PRKN: variants seen among roughly 807,000 people sequenced by gnomAD.
PRKN encodes the protein E3 ubiquitin-protein ligase parkin.
In PRKN, 56 loss-of-function variants were observed where a neutral mutation model predicts 59.5. The observed-to-expected ratio is 0.94, with a 90% CI of 0.76 to 1.18. PRKN has a LOEUF of 1.18. Ranked by LOEUF, PRKN falls within the 50% of genes most tolerant of loss-of-function variation. The pLI is 0.00. For synonymous variants in PRKN, 250 were observed against 222.1 expected (o/e 1.13, Z -1.12); for missense variants, 657 against 596.4 (o/e 1.10, Z -1.06).
At chr6:161,601,149 T>C (rs1260688637) in intron 7 of PRKN, among the ~76,000 whole-genome samples, 1 of 152,256 alleles carries the variant, frequency 6.6e-6, no homozygotes, top group Non-Finnish European at 1.5e-5. Context: ...ATTGAATATA[T>C]TTGTTTTTCT....
At position 162,612,030 on chromosome 6, in the gene PRKN, G is replaced by GA. The variant is rs370097730; in HGVS notation, c.7+115631dup. On this transcript the variant is annotated intron_variant, in intron 1 of 11. Coordinates refer to ENST00000366898, the MANE Select transcript of PRKN (RefSeq NM_004562.3). ...GAAACCCCGTCTCTACTAAAAATAC[G>GA]AAAAAAAAAAAAATTAGCTGGGCGT... is the stretch of plus-strand genomic sequence containing the variant. Among the ~76,000 whole-genome samples, 616 of 143,088 alleles carry GA rather than the reference G, an allele frequency of 4.3e-3. 4 individuals are homozygous for GA. The highest frequency in any genetic ancestry group is 0.011 in the Middle Eastern group (3 of 276). 93.9% of individuals were successfully genotyped at this position (143,088 alleles called of 152,430 possible).
rs951258750 is a variant in PRKN at position 161,462,875 on chromosome 6, T to C, written c.1084-75998A>G. 1.3e-5 allele frequency among the ~76,000 whole-genome samples: 2 copies of C among 152,198 alleles called. No individual in the cohort carries two copies. Among genetic ancestry groups the C allele is most frequent in the African/African-American group, 4.8e-5 (2 of 41,444 alleles). On this transcript the variant is annotated intron_variant, in intron 9 of 11. Coordinates refer to ENST00000366898, the MANE Select transcript of PRKN (RefSeq NM_004562.3). This position sits in a 1 kb window ranked among gnomAD's most constrained non-coding sequence, Gnocchi z 4.5. The stretch of plus-strand genomic sequence containing the variant: ...AATAGGTCTGAGGCCAATAATATTT[T>C]CTATTTCCTCAGGATTTCTTCACTC...
At chr6:161,555,847 CAATT>C (rs373297726) in intron 8 of PRKN, among the ~76,000 whole-genome samples, 334 of 152,192 alleles carry the variant, frequency 2.2e-3, no homozygotes, top group African/African-American at 2.7e-3. Flanking sequence ...CATTAAGTGA[CAATT>C]AATTAAATAA....
At chr6:161,668,034 C>G (rs1318024784) in intron 7 of PRKN, among the ~76,000 whole-genome samples, 1 of 152,096 alleles carries the variant, frequency 6.6e-6, no homozygotes, top group Non-Finnish European at 1.5e-5. Flanking sequence ...CATTGGAATT[C>G]TCTAGATCTT....
intron 3 of PRKN, among the ~76,000 whole-genome samples, chr6:162,235,042 GA>G (rs1283444313): frequency 1.4e-4 from 22 of 151,950 alleles, no homozygotes; most frequent in Admixed American, 2.6e-4. Flanking sequence ...ATAACTTTAT[GA>G]AAAAAATGGT....
chr6:161,514,412 G>C (rs551145428), intron 9 of PRKN, among the ~76,000 whole-genome samples: 1 of 152,146 alleles, frequency 6.6e-6, no homozygotes, highest in Non-Finnish European at 1.5e-5. Flanking sequence ...AGTTTTTTGG[G>C]GGTAAAGTTT....
At position 162,443,407 on chromosome 6, in the gene PRKN, T is replaced by G. The variant is rs1562768862; in HGVS notation, c.74A>C (p.Gln25Pro). Residue 25 changes from glutamine (Q) to proline (P), a missense_variant, in exon 2 of 12, where the codon CAG (glutamine) becomes CCG (proline). Transcript: ENST00000366898. ...VEVDSDTSIF[Q>P]LKEVVAKRQG... is the part of the protein sequence containing the mutation. ...TCGCTTAGCAACCACCTCCTTGAGC[T>G]GGAAGATGCTGGTGTCAGAATCGAC... 1 of 1,614,102 alleles carries G rather than the reference T, an allele frequency of 6.2e-7. No individual in the cohort carries two copies. Among genetic ancestry groups the G allele is most frequent in the East Asian group, 2.2e-5 (1 of 44,856 alleles).
chr6:161,711,240 T>C (rs1313944237), intron 7 of PRKN, among the ~76,000 whole-genome samples: 1 of 152,112 alleles, frequency 6.6e-6, no homozygotes, highest in African/African-American at 2.4e-5. Flanking sequence ...AGTTTTACTG[T>C]TAGAATGGAA....
intron 7 of PRKN, among the ~76,000 whole-genome samples, chr6:161,732,483 T>TGTGTGTGTGTGTGTG (rs1398832020): frequency 7.1e-6 from 1 of 140,166 alleles, no homozygotes; most frequent in African/African-American, 3.1e-5. Flanking sequence ...GGTTTTTTTT[T>TGTGTGTGTGTGTGTG]TTTGTGTGTG....
In PRKN at chr6:162,533,029, C is replaced by T. The variant is rs1039150311; in HGVS notation, c.8-89556G>A. Among the ~76,000 whole-genome samples, 3 of 152,178 alleles carry T rather than the reference C, an allele frequency of 2.0e-5. No homozygotes were observed. The East Asian group carries it at 5.8e-4, about 29-fold the overall frequency. ...TCTTCTGGCCCTAGGTGCTTATCGG[C>T]TGTACTGACGTGCTTCACATTTTAT... On this transcript the variant is annotated intron_variant, in intron 1 of 11. Transcript: ENST00000366898.
chr6:161,620,492 T>C (rs945473348), intron 7 of PRKN, among the ~76,000 whole-genome samples: 6 of 152,188 alleles, frequency 3.9e-5, no homozygotes, highest in Non-Finnish European at 8.8e-5. Context: ...TGATAGGAAT[T>C]ATGTCGGATG....
intron 5 of PRKN, among the ~76,000 whole-genome samples, chr6:161,980,353 C>G (rs972152766): frequency 6.6e-6 from 1 of 152,174 alleles, no homozygotes; most frequent in Non-Finnish European, 1.5e-5. Flanking sequence ...CACACACTTT[C>G]CACTAACAAG....
intron 5 of PRKN, among the ~76,000 whole-genome samples, chr6:162,011,236 ATT>A (rs1562458442): frequency 3.0e-3 from 7 of 2,332 alleles, no homozygotes; most frequent in East Asian, 8.9e-3. Flanking sequence ...ATAATATATA[ATT>A]TATAATATAT....
chr6:162,371,748 T>A (rs1785780941), intron 2 of PRKN, among the ~76,000 whole-genome samples: 1 of 152,188 alleles, frequency 6.6e-6, no homozygotes, highest in African/African-American at 2.4e-5. Flanking sequence ...ACTCATCACT[T>A]CTATTTCCAG....
At chr6:161,439,478 C>T (rs1240535881) in intron 9 of PRKN, among the ~76,000 whole-genome samples, 1 of 152,186 alleles carries the variant, frequency 6.6e-6, no homozygotes, top group Non-Finnish European at 1.5e-5. Flanking sequence ...TGTGCAATCA[C>T]CCAAAGCTCT....
intron 3 of PRKN, among the ~76,000 whole-genome samples, chr6:162,233,823 G>A (rs1778524832): frequency 6.6e-6 from 1 of 152,176 alleles, no homozygotes; most frequent in Non-Finnish European, 1.5e-5. Flanking sequence ...GGAAGAGAAG[G>A]AGATACGAAT....
chr6:162,413,930 C>T (rs941903523), intron 2 of PRKN, among the ~76,000 whole-genome samples: 3 of 152,070 alleles, frequency 2.0e-5, no homozygotes, highest in African/African-American at 7.2e-5. Flanking sequence ...GCCTGTAGTC[C>T]CAGCACTTTG....
chr6:162,020,015 G>A (rs1893894), intron 5 of PRKN, among the ~76,000 whole-genome samples: 8,734 of 141,576 alleles, frequency 0.062, 345 homozygotes, highest in Middle Eastern at 0.11. Flanking sequence ...GCAAAACTCC[G>A]TCTCAAAGGA....
At chr6:162,076,469 C>T (rs376297960) in intron 4 of PRKN, among the ~76,000 whole-genome samples, 1 of 152,206 alleles carries the variant, frequency 6.6e-6, no homozygotes, top group East Asian at 1.9e-4. Context: ...TATTCCGATG[C>T]CTCTTTCTTG....
Sources: allele counts gnomAD v4.1 joint callset (sites outside exome capture counted in the v4.1 genomes callset), GRCh38; gene constraint gnomAD v4.1.1; non-coding constraint Gnocchi (gnomAD v3.1); transcripts MANE v1.5; gene names NCBI Gene and HGNC (gene_info 2026-07-23, HGNC 2026-07-21).